The following FSHR variants were observed in gnomAD, a reference collection of about 807,000 sequenced individuals.
The protein encoded by FSHR is follicle-stimulating hormone receptor.
Under a neutral mutation model 52.1 loss-of-function variants are expected in FSHR, and 46 were observed. That is an observed-to-expected ratio of 0.88 (90% confidence interval 0.70 to 1.13). FSHR has a LOEUF of 1.13. Among genes scored for constraint, FSHR ranks in the 50% most tolerant of loss-of-function variants. The pLI is 0.00. For synonymous variants in FSHR, 399 were observed against 309.6 expected (o/e 1.29, Z -3.03); for missense variants, 964 against 834.6 (o/e 1.16, Z -1.91).
rs372475790 is a variant in FSHR, at chr2:49,093,257, G to A, written c.153-24967C>T. Among the ~76,000 whole-genome samples, 182 of 152,262 alleles carry A rather than the reference G, an allele frequency of 1.2e-3. 5 individuals are homozygous for A. In the South Asian group the frequency reaches 0.037, roughly 31 times the overall value. ...ATTCTTCTGTATCCTTACTGACTTT[G>A]TCTACTTGTTCATTTGATTGCTGAG... On this transcript the variant is annotated intron_variant, in intron 1 of 9. Transcript: ENST00000406846.
chr2:49,067,560 C>CA (rs1669554507), intron 2 of FSHR, among the ~76,000 whole-genome samples: 1 of 151,986 alleles, frequency 6.6e-6, no homozygotes, highest in Non-Finnish European at 1.5e-5. Context: ...GAGGTGATAC[C>CA]AAGAGCTTTC....
At chr2:48,992,508 T>C (rs779744325) in intron 4 of FSHR, among the ~76,000 whole-genome samples, 11 of 152,202 alleles carry the variant, frequency 7.2e-5, no homozygotes, top group Non-Finnish European at 1.3e-4. Context: ...TGTCAGTGAT[T>C]CAGGACTGTC....
chr2:49,154,214 G>A (rs568935358), intron 1 of FSHR, 52 bp downstream of exon 1: 7 of 1,551,626 alleles, frequency 4.5e-6, no homozygotes, highest in African/African-American at 2.7e-5. Flanking sequence ...ATAATAGTAC[G>A]CAATGCACAA....
chr2:49,035,429 T>C (rs1007044278), intron 2 of FSHR, among the ~76,000 whole-genome samples: 3 of 152,198 alleles, frequency 2.0e-5, no homozygotes, highest in Non-Finnish European at 4.4e-5. Flanking sequence ...TGGAGTGTAA[T>C]TCCTCAGTGG....
intron 4 of FSHR, among the ~76,000 whole-genome samples, chr2:49,016,922 A>T (rs1667510988): frequency 1.3e-5 from 2 of 152,206 alleles, no homozygotes; most frequent in Admixed American, 1.3e-4. Context: ...TATAACACTC[A>T]TGGCTCTGTC....
chr2:49,003,949 T>G (rs374520447), intron 4 of FSHR, among the ~76,000 whole-genome samples: 6 of 152,164 alleles, frequency 3.9e-5, no homozygotes, highest in African/African-American at 1.4e-4. Context: ...ATTGCAAATC[T>G]AAAAGGGTCT....
chr2:48,984,638 G>C (rs1216381579), intron 6 of FSHR, among the ~76,000 whole-genome samples: 1 of 151,384 alleles, frequency 6.6e-6, no homozygotes, highest in Non-Finnish European at 1.5e-5. Context: ...TTTTTAGTGG[G>C]GGATAACATT....
At chr2:49,152,494 T>C (rs556875121) in intron 1 of FSHR, among the ~76,000 whole-genome samples, 1 of 152,284 alleles carries the variant, frequency 6.6e-6, no homozygotes, top group African/African-American at 2.4e-5. Context: ...TTCTTTCCTC[T>C]TTCTTTTCTT....
chr2:49,078,387 G>A (rs1237144601), intron 1 of FSHR, among the ~76,000 whole-genome samples: 2 of 152,102 alleles, frequency 1.3e-5, no homozygotes, highest in African/African-American at 4.8e-5. Context: ...TGCCATACTA[G>A]CCAAACCATA....
At chr2:49,050,852 C>T (rs1668829703) in intron 2 of FSHR, among the ~76,000 whole-genome samples, 1 of 152,124 alleles carries the variant, frequency 6.6e-6, no homozygotes, top group African/African-American at 2.4e-5. Context: ...AATATCTTCA[C>T]CACGTTAAAA....
At chr2:49,031,193 G>A (rs1169195280) in intron 2 of FSHR, among the ~76,000 whole-genome samples, 2 of 152,134 alleles carry the variant, frequency 1.3e-5, no homozygotes, top group African/African-American at 4.8e-5. Flanking sequence ...TACTGGCTCT[G>A]TGCGGAGGGA....
At chr2:48,991,038 G>A (rs1178808058) in intron 4 of FSHR, among the ~76,000 whole-genome samples, 3 of 152,150 alleles carry the variant, frequency 2.0e-5, no homozygotes, top group African/African-American at 7.2e-5. Context: ...CTTGGGATTA[G>A]AGCATGAGAT....
chr2:49,076,817 C>T (rs564036900), intron 1 of FSHR, among the ~76,000 whole-genome samples: 25 of 152,248 alleles, frequency 1.6e-4, no homozygotes, highest in South Asian at 8.3e-4. Flanking sequence ...TTTGGCCAAC[C>T]GATGCAGGGT....
At chr2:49,069,840 T>C (rs370645661) in intron 1 of FSHR, among the ~76,000 whole-genome samples, 1 of 152,184 alleles carries the variant, frequency 6.6e-6, no homozygotes, top group Non-Finnish European at 1.5e-5. Flanking sequence ...CACGTCCTTT[T>C]ACAAGGCAGT....
intron 6 of FSHR, among the ~76,000 whole-genome samples, chr2:48,988,758 TAAATACTTG>T (rs1471040417): frequency 1.3e-5 from 2 of 152,322 alleles, no homozygotes; most frequent in Admixed American, 1.3e-4. Flanking sequence ...ACAGCAATTT[TAAATACTTG>T]AATCACACCC....
chr2:48,968,434 A>G (rs1481960393), intron 9 of FSHR, among the ~76,000 whole-genome samples: 1 of 152,148 alleles, frequency 6.6e-6, no homozygotes, highest in Non-Finnish European at 1.5e-5. Flanking sequence ...TATGCTTAGT[A>G]TTTTTCATGT....
chr2:49,132,051 G>C (rs539739590), intron 1 of FSHR, among the ~76,000 whole-genome samples: 1 of 152,276 alleles, frequency 6.6e-6, no homozygotes, highest in East Asian at 1.9e-4. Context: ...GTCTTTAGCT[G>C]CATTAAAAGA....
intron 8 of FSHR, among the ~76,000 whole-genome samples, chr2:48,973,706 T>C (rs1383540319): frequency 6.6e-6 from 1 of 152,246 alleles, no homozygotes; most frequent in Non-Finnish European, 1.5e-5. Flanking sequence ...GTGCCTTTCA[T>C]GTAGTGAGTA....
chr2:48,995,885 G>T (rs1317101678), intron 4 of FSHR, among the ~76,000 whole-genome samples: 1 of 152,040 alleles, frequency 6.6e-6, no homozygotes, highest in Non-Finnish European at 1.5e-5. Context: ...ATCTACCATG[G>T]CATGGAATGA....
Sources: allele counts gnomAD v4.1 joint callset (sites outside exome capture counted in the v4.1 genomes callset), GRCh38; gene constraint gnomAD v4.1.1; transcripts MANE v1.5; gene names NCBI Gene and HGNC (gene_info 2026-07-23, HGNC 2026-07-21).